TAPT1: variants seen among roughly 807,000 people sequenced by gnomAD.
The protein encoded by TAPT1 is transmembrane anterior posterior transformation 1.
TAPT1 carries 28 observed loss-of-function variants against 65.6 expected under a neutral mutation model. The observed-to-expected ratio is 0.43, with a 90% CI of 0.32 to 0.59. The LOEUF (loss-of-function observed/expected upper bound fraction) is 0.59, where lower values mean the gene tolerates loss of function less well. TAPT1 is among the 20% of genes least tolerant of loss of function. The pLI is 0.09. For missense variants in TAPT1, 563 were observed against 679.9 expected, an observed-to-expected ratio of 0.83 and a Z score of 1.91; for synonymous variants, 278 against 245.2, an observed-to-expected ratio of 1.13 and a Z score of -1.25.
intron 2 of TAPT1, among the ~76,000 whole-genome samples, chr4:16,209,863 A>C (rs1750559148): frequency 6.6e-6 from 1 of 152,232 alleles, no homozygotes; most frequent in Admixed American, 6.5e-5. Context: ...TTTATTATTC[A>C]CACAGAAATG....
At position 16,213,801 on chromosome 4, in the gene TAPT1, G is replaced by A; in HGVS notation, c.297C>T (p.Tyr99=). The A allele has an allele frequency of 6.2e-7, 1 of 1,601,524 alleles. No individual in the cohort carries two copies. Residue 99 remains tyrosine (Y), a synonymous_variant, in exon 2 of 14, where the codon TAC becomes TAT. Coordinates refer to ENST00000405303, the MANE Select transcript of TAPT1 (RefSeq NM_153365.3). The part of the protein sequence containing the change: ...AKYTERRERV[Y]TCLRIPRELE... ...ATTCTCTTGGTATTCGCAAACAAGT[G>A]TATACTCTTTCTCTTCTTTCTGTAT...
chr4:16,168,369 A>G (rs1335133365), intron 12 of TAPT1, among the ~76,000 whole-genome samples: 2 of 152,144 alleles, frequency 1.3e-5, no homozygotes, highest in African/African-American at 2.4e-5. Flanking sequence ...CCAGCCTGCC[A>G]AAGTCCTGGG....
chr4:16,180,355 G>T (rs182263233), intron 7 of TAPT1, among the ~76,000 whole-genome samples: 1 of 152,328 alleles, frequency 6.6e-6, no homozygotes, highest in East Asian at 1.9e-4. Flanking sequence ...AAGATACCGT[G>T]TAACCAAGAA....
At chr4:16,168,663 C>T (rs1747797503) in intron 12 of TAPT1, among the ~76,000 whole-genome samples, 1 of 152,270 alleles carries the variant, frequency 6.6e-6, no homozygotes, top group Admixed American at 6.5e-5. Context: ...CCTCATACTA[C>T]TGTGCTTTTC....
At position 16,162,601 on chromosome 4, in the gene TAPT1, C is replaced by T. The variant is rs573923001; in HGVS notation, c.*707G>A. ...TATCCACCAATTAAATGACATACAG[C>T]TCACATTTTGCTTTAAAGAGTAAAC... On this transcript the variant is annotated 3_prime_UTR_variant, in exon 14 of 14. Transcript: ENST00000405303. 6.5e-6 allele frequency: 1 copy of T among 154,946 alleles called. No homozygotes were observed. Among genetic ancestry groups the T allele is most frequent in the South Asian group, 1.9e-4 (1 of 5,178 alleles). The allele number at this position is 154,946 out of a possible 1,614,324, so 9.6% of individuals were successfully genotyped here. A position where few individuals can be genotyped will look rare whatever the true frequency, so the allele number is the denominator to read the frequency against.
chr4:16,166,896 C>T (rs370977101), intron 12 of TAPT1, 103 bp from the exon 13 acceptor site: 19 of 1,113,354 alleles, frequency 1.7e-5, no homozygotes, highest in East Asian at 1.2e-4. Context: ...GGGCATGGGA[C>T]GGTGACAGAT....
chr4:16,186,864 G>A lies in TAPT1; in HGVS notation c.763C>T (p.Leu255Phe), dbSNP rs370968275. 3.5e-4 allele frequency: 566 copies of A among 1,608,822 alleles called. 3 individuals carry two copies. In the South Asian group the frequency reaches 3.8e-3, roughly 11 times the overall value. Residue 255 changes from leucine to phenylalanine, a missense_variant, in exon 6 of 14, where the codon CTT becomes TTT. Physicochemically the swap from Leu to Phe is conservative, Grantham distance 22. Coordinates refer to ENST00000405303, the MANE Select transcript of TAPT1 (RefSeq NM_153365.3). ...AGAGTTGTTGCTTGAACCATTATAAGAATTGCATGCAAAACTAATAGAAGG... is the reference window on the plus strand; with the variant it reads ...AGAGTTGTTGCTTGAACCATTATAAAAATTGCATGCAAAACTAATAGAAGG... ...AVLYVFLHAI[L>F]IMVQATTLNV...
At chr4:16,179,185 A>C (rs1387672772) in intron 8 of TAPT1, 1 of 156,752 alleles carries the variant, frequency 6.4e-6, no homozygotes. Context: ...ACAAACCTAG[A>C]TGGTATAACC....
At chr4:16,163,818 T>C (rs1398646416) in intron 13 of TAPT1, among the ~76,000 whole-genome samples, 1 of 152,180 alleles carries the variant, frequency 6.6e-6, no homozygotes, top group Non-Finnish European at 1.5e-5. Context: ...AACTCCTACA[T>C]TACGGCTCCT....
At chr4:16,189,124 C>T (rs2149690159) in intron 4 of TAPT1, among the ~76,000 whole-genome samples, 1 of 152,172 alleles carries the variant, frequency 6.6e-6, no homozygotes, top group South Asian at 2.1e-4. Context: ...ACCACATTTT[C>T]AGGTATCAAT....
intron 2 of TAPT1, among the ~76,000 whole-genome samples, chr4:16,204,249 G>A (rs897331842): frequency 6.6e-5 from 10 of 152,156 alleles, no homozygotes; most frequent in East Asian, 1.9e-4. Flanking sequence ...ATCAGGTCCC[G>A]GATAGGCAGC....
chr4:16,191,321 T>C (rs1395741699), intron 4 of TAPT1, 40 bp downstream of exon 4: 6 of 1,554,968 alleles, frequency 3.9e-6, no homozygotes, highest in Non-Finnish European at 3.5e-6. Flanking sequence ...TGAAGCTGAG[T>C]GCCCTGGCCA....
At chr4:16,164,466 C>T (rs1747451192) in intron 13 of TAPT1, among the ~76,000 whole-genome samples, 1 of 152,180 alleles carries the variant, frequency 6.6e-6, no homozygotes. Context: ...ACACTCAGGT[C>T]GTCATCCTGA....
At chr4:16,164,478 T>C (rs1747452789) in intron 13 of TAPT1, among the ~76,000 whole-genome samples, 2 of 152,236 alleles carry the variant, frequency 1.3e-5, no homozygotes, top group African/African-American at 4.8e-5. Context: ...TCATCCTGAA[T>C]GTACTTCTCA....
intron 2 of TAPT1, 48 bp from the exon 3 acceptor site, chr4:16,202,628 A>C (rs374792731): frequency 1.1e-5 from 12 of 1,044,598 alleles, no homozygotes; most frequent in Non-Finnish European, 1.7e-5. Flanking sequence ...TTTTAAAAAT[A>C]CTTGTAGATG....
intron 12 of TAPT1, among the ~76,000 whole-genome samples, chr4:16,168,130 T>TG (rs1747758392): frequency 6.6e-6 from 1 of 151,858 alleles, no homozygotes; most frequent in African/African-American, 2.4e-5. Flanking sequence ...CTTTTTTTTT[T>TG]TAAGAAGCAG....
rs756280549 is a variant in TAPT1 at position 16,174,713 on chromosome 4, C to A, written c.1124G>T (p.Arg375Ile). 1.9e-6 allele frequency: 3 copies of A among 1,589,188 alleles called. No homozygotes were observed. In the African/African-American group the frequency reaches 4.0e-5, roughly 21 times the overall value. ...AACAAGGTCAAAAGCAAGACTGGCT[C>A]TATATTCACTGTAGACCTAAAAACA... Reference protein sequence around the residue: ...DITADVYSEYRASLAFDLVSS... With the variant: ...DITADVYSEYIASLAFDLVSS... Residue 375 changes from arginine (R) to isoleucine (I), a missense_variant, in exon 10 of 14, where the codon AGA becomes ATA. Around this residue, in one of 5 missense-constraint regions of TAPT1, gnomAD observed 104 missense variants for 102.5 expected, o/e 1.01. Transcript: ENST00000405303.
At chr4:16,176,935 G>C (rs1748371912) in intron 8 of TAPT1, 1 of 152,232 alleles carries the variant, frequency 6.6e-6, no homozygotes, top group Admixed American at 6.5e-5. Context: ...TAGATGAGCA[G>C]TCTTCTCCTT....
intron 8 of TAPT1, among the ~76,000 whole-genome samples, chr4:16,177,065 TGATA>T (rs1185420950): frequency 1.3e-5 from 2 of 152,198 alleles, no homozygotes; most frequent in Non-Finnish European, 2.9e-5. Flanking sequence ...TAAGACCTAG[TGATA>T]GATAGATAAG....
Sources: allele counts gnomAD v4.1 joint callset (sites outside exome capture counted in the v4.1 genomes callset), GRCh38; gene constraint gnomAD v4.1.1; regional missense constraint gnomAD v4.1.1; transcripts MANE v1.5; gene names NCBI Gene and HGNC (gene_info 2026-07-23, HGNC 2026-07-21).